The following PTPRG variants were observed in gnomAD, a reference collection of about 807,000 sequenced individuals.
The protein encoded by PTPRG is receptor-type tyrosine-protein phosphatase gamma.
A neutral mutation model predicts 165.3 loss-of-function variants in PTPRG; 102 were observed. The observed-to-expected ratio is 0.62, with a 90% CI of 0.53 to 0.73. The LOEUF (loss-of-function observed/expected upper bound fraction) is 0.73, where lower values mean the gene tolerates loss of function less well. Among genes scored for constraint, PTPRG ranks in the 30% least tolerant of loss-of-function variants. The pLI, the probability that PTPRG is intolerant of heterozygous loss-of-function variation, is 0.00. For missense variants in PTPRG, 1,866 were observed against 1,861.4 expected (o/e 1.00, Z -0.05); for synonymous variants, 675 against 669.5 (o/e 1.01, Z -0.13).
chr3:62,290,300 A>G (rs549423951), intron 28 of PTPRG, among the ~76,000 whole-genome samples: 52 of 152,310 alleles, frequency 3.4e-4, no homozygotes, highest in African/African-American at 1.3e-3. Flanking sequence ...ATCCATCTAT[A>G]TATTCAGTGC....
chr3:61,840,898 C>T (rs2036613150), intron 2 of PTPRG, among the ~76,000 whole-genome samples: 1 of 151,376 alleles, frequency 6.6e-6, no homozygotes, highest in South Asian at 2.1e-4. Flanking sequence ...TCTTCTGCCT[C>T]AGCCTCCCGA....
At chr3:61,999,341 C>T (rs2041115241) in intron 3 of PTPRG, among the ~76,000 whole-genome samples, 1 of 152,176 alleles carries the variant, frequency 6.6e-6, no homozygotes, top group South Asian at 2.1e-4. Context: ...GCCACCGTGC[C>T]TGGCCTGGGG....
rs77196323 is a variant in PTPRG at position 61,581,353 on chromosome 3, A to C, written c.85+18981A>C. On this transcript the variant is annotated intron_variant, in intron 1 of 29. Coordinates refer to ENST00000474889, the MANE Select transcript of PTPRG (RefSeq NM_002841.4). Reference sequence around the variant, plus strand: ...AAGCTCTGGGGTAAGAAGGAAGGTCAAATCAGCGGTCTTTCTCCACACACA... The same window carrying C: ...AAGCTCTGGGGTAAGAAGGAAGGTCCAATCAGCGGTCTTTCTCCACACACA... Among the ~76,000 whole-genome samples the C allele has an allele frequency of 8.6e-3, 1,314 of 152,338 alleles. 19 individuals are homozygous for C. Among genetic ancestry groups the C allele is most frequent in the African/African-American group, 0.03 (1,235 of 41,570 alleles).
chr3:61,617,787 G>T (rs1367122478), intron 1 of PTPRG, among the ~76,000 whole-genome samples: 1 of 143,414 alleles, frequency 7.0e-6, no homozygotes, highest in Non-Finnish European at 1.5e-5. Context: ...TGAGTTAAAG[G>T]TGTGCCTGTG....
chr3:61,663,111 GTC>G (rs1001627389), intron 1 of PTPRG, among the ~76,000 whole-genome samples: 7 of 152,058 alleles, frequency 4.6e-5, no homozygotes, highest in African/African-American at 1.4e-4. Flanking sequence ...TGGCGAAACT[GTC>G]TCTACCAAAA....
chr3:62,124,261 C>CT, intron 5 of PTPRG: 1 of 1,433,258 alleles, frequency 7.0e-7, no homozygotes, highest in South Asian at 1.1e-5. Flanking sequence ...ATTCAGAAGC[C>CT]TGCAAGGACA....
chr3:61,748,940 C>G lies in PTPRG; in HGVS notation c.148C>G (p.Arg50Gly), dbSNP rs1045085660. The G allele has an allele frequency of 1.2e-6, 2 of 1,611,916 alleles. No homozygotes were observed. The highest frequency in any genetic ancestry group is 1.3e-5 in the African/African-American group (1 of 74,762). ...TAGACACGGCAGCGCAGTGCAGATC[C>G]GCAGGCGCAAGGCTTCAGGCGACCC... Reference protein sequence around the residue: ...ENRHGSAVQIRRRKASGDPYW... With the variant: ...ENRHGSAVQIGRRKASGDPYW... Residue 50 changes from arginine (R) to glycine (G), a missense_variant, in exon 2 of 30, where the codon CGC becomes GGC. Transcript: ENST00000474889.
chr3:61,822,750 T>C (rs2107262348), intron 2 of PTPRG, among the ~76,000 whole-genome samples: 1 of 152,306 alleles, frequency 6.6e-6, no homozygotes, highest in Non-Finnish European at 1.5e-5. Context: ...GGTGCAAAAA[T>C]AGTTTCTGGT....
At chr3:61,805,058 C>G (rs1247339169) in intron 2 of PTPRG, among the ~76,000 whole-genome samples, 2 of 152,234 alleles carry the variant, frequency 1.3e-5, no homozygotes, top group Non-Finnish European at 2.9e-5. Flanking sequence ...AACCCAGAGG[C>G]AGGGTGGATC....
chr3:61,694,414 G>A (rs2030433050), intron 1 of PTPRG, among the ~76,000 whole-genome samples: 1 of 152,166 alleles, frequency 6.6e-6, no homozygotes, highest in African/African-American at 2.4e-5. Flanking sequence ...AAACTGGTAT[G>A]GGTATGAATA....
intron 4 of PTPRG, among the ~76,000 whole-genome samples, chr3:62,039,272 T>C (rs1469514108): frequency 2.0e-5 from 3 of 151,570 alleles, no homozygotes; most frequent in African/African-American, 7.3e-5. Context: ...TGTTTTTGTT[T>C]TTTTTTTTAA....
At chr3:61,929,513 G>A (rs1446543394) in intron 2 of PTPRG, among the ~76,000 whole-genome samples, 1 of 152,022 alleles carries the variant, frequency 6.6e-6, no homozygotes. Flanking sequence ...TTTCATAATG[G>A]GCTTCCTTTG....
intron 3 of PTPRG, among the ~76,000 whole-genome samples, chr3:61,996,013 C>G (rs2041032848): frequency 6.6e-6 from 1 of 152,140 alleles, no homozygotes; most frequent in Non-Finnish European, 1.5e-5. Flanking sequence ...CTGCCTGATT[C>G]TGCCTGTTTT....
In PTPRG at chr3:61,729,653, G is replaced by A. The variant is rs116204823; in HGVS notation, c.86-19225G>A. Among the ~76,000 whole-genome samples, 1,212 of 152,196 alleles carry A rather than the reference G, an allele frequency of 8.0e-3. 23 individuals carry two copies. The highest frequency in any genetic ancestry group is 0.027 in the African/African-American group (1,131 of 41,528). On this transcript the variant is annotated intron_variant, in intron 1 of 29. Coordinates refer to ENST00000474889, the MANE Select transcript of PTPRG (RefSeq NM_002841.4). ...ATTCTTTGATTTGGGGAGTTATATGGTTTAACATACTCATTTTTTAACAAT... is the reference window on the plus strand; with the variant it reads ...ATTCTTTGATTTGGGGAGTTATATGATTTAACATACTCATTTTTTAACAAT...
At chr3:62,059,900 T>A (rs1337043897) in intron 4 of PTPRG, among the ~76,000 whole-genome samples, 1 of 152,102 alleles carries the variant, frequency 6.6e-6, no homozygotes, top group East Asian at 1.9e-4. Flanking sequence ...GAAGGACGTG[T>A]TTGCTTCCCC....
At chr3:61,934,092 G>A (rs1258575546) in intron 2 of PTPRG, among the ~76,000 whole-genome samples, 1 of 152,132 alleles carries the variant, frequency 6.6e-6, no homozygotes, top group East Asian at 1.9e-4. Flanking sequence ...TGTTCTACAG[G>A]GTGTTTAGAC....
intron 2 of PTPRG, among the ~76,000 whole-genome samples, chr3:61,820,116 A>G (rs1363292841): frequency 6.6e-6 from 1 of 152,164 alleles, no homozygotes; most frequent in African/African-American, 2.4e-5. Flanking sequence ...AGGGTTCTTC[A>G]GAGGAGCAGA....
At chr3:61,605,597 CT>C (rs1700982247) in intron 1 of PTPRG, among the ~76,000 whole-genome samples, 2 of 151,750 alleles carry the variant, frequency 1.3e-5, no homozygotes, top group African/African-American at 4.8e-5. Context: ...TAGAAAGAGT[CT>C]TGCTCCGTCA....
intron 5 of PTPRG, among the ~76,000 whole-genome samples, chr3:62,126,907 C>T (rs1368415054): frequency 6.6e-6 from 1 of 152,126 alleles, no homozygotes; most frequent in Non-Finnish European, 1.5e-5. Context: ...TGTAATATCA[C>T]ATTGCAGCAG....
Sources: allele counts gnomAD v4.1 joint callset (sites outside exome capture counted in the v4.1 genomes callset), GRCh38; gene constraint gnomAD v4.1.1; transcripts MANE v1.5; gene names NCBI Gene and HGNC (gene_info 2026-07-23, HGNC 2026-07-21).